DENND1A: variants seen among roughly 807,000 people sequenced by gnomAD.
DENND1A encodes the protein DENN domain-containing protein 1A.
In DENND1A, 51 loss-of-function variants were observed where a neutral mutation model predicts 113.7. That is an observed-to-expected ratio of 0.45 (90% confidence interval 0.36 to 0.57). The LOEUF (loss-of-function observed/expected upper bound fraction) is 0.57, where lower values mean the gene tolerates loss of function less well. Ranked by LOEUF, DENND1A falls within the 20% of genes least tolerant of loss-of-function variation. The probability of loss-of-function intolerance (pLI) is 0.00; values close to 1 mark genes in which losing one functional copy is unlikely to be tolerated. For synonymous variants in DENND1A, 565 were observed against 570.8 expected, an observed-to-expected ratio of 0.99 and a Z score of 0.14; for missense variants, 1,258 against 1,395.9, an observed-to-expected ratio of 0.90 and a Z score of 1.57.
intron 10 of DENND1A, among the ~76,000 whole-genome samples, chr9:123,628,701 G>A (rs1056646256): frequency 2.6e-5 from 4 of 152,144 alleles, no homozygotes; most frequent in Admixed American, 2.6e-4. Context: ...GCAGTACCTG[G>A]ACGTCACCAT....
intron 5 of DENND1A, among the ~76,000 whole-genome samples, chr9:123,711,522 T>TATATATATATATATATATATAC (rs1564998453): frequency 1.3e-4 from 19 of 142,868 alleles, no homozygotes; most frequent in African/African-American, 5.1e-4. Flanking sequence ...TGTATATATA[T>TATATATATATATATATATATAC]ATATATATAT....
chr9:123,705,465 T>C (rs77533880), intron 5 of DENND1A, among the ~76,000 whole-genome samples: 3,958 of 152,268 alleles, frequency 0.026, 60 homozygotes, highest in Middle Eastern at 0.034. Context: ...AATAAACTAC[T>C]AGAATTAGGT....
Position 123,692,787 on chromosome 9 carries a change from C to T in DENND1A, c.303-15998G>A, listed in dbSNP as rs138010861. On this transcript the variant is annotated intron_variant, in intron 5 of 23. Coordinates refer to ENST00000394215, the MANE Select transcript of DENND1A (RefSeq NM_001352964.2). ...TTATTATGACTCTAAAATAGGGCAG[C>T]TTCAGTTAATTTAAAGACCAGTTCT... 1.7e-3 allele frequency among the ~76,000 whole-genome samples: 258 copies of T among 152,288 alleles called. 5 individuals carry two copies. The East Asian group carries it at 0.022, about 13-fold the overall frequency.
chr9:123,698,656 T>G (rs2065678205), intron 5 of DENND1A, among the ~76,000 whole-genome samples: 1 of 152,248 alleles, frequency 6.6e-6, no homozygotes, highest in East Asian at 1.9e-4. Context: ...AATAGTCAGC[T>G]CTACGGATCC....
intron 13 of DENND1A, among the ~76,000 whole-genome samples, chr9:123,545,514 T>G (rs2056606353): frequency 6.6e-6 from 1 of 151,968 alleles, no homozygotes; most frequent in Non-Finnish European, 1.5e-5. Flanking sequence ...TCGCCCAGGC[T>G]GGAGTGCAGT....
intron 5 of DENND1A, among the ~76,000 whole-genome samples, chr9:123,725,968 T>A (rs1382234407): frequency 1.3e-5 from 2 of 152,142 alleles, no homozygotes; most frequent in African/African-American, 4.8e-5. Flanking sequence ...CTGCACAACC[T>A]AATATAATTT....
At chr9:123,480,896 C>A (rs2050281633) in intron 13 of DENND1A, among the ~76,000 whole-genome samples, 1 of 152,206 alleles carries the variant, frequency 6.6e-6, no homozygotes, top group Non-Finnish European at 1.5e-5. Flanking sequence ...AAGATAGTTT[C>A]AAACAGACAT....
intron 11 of DENND1A, among the ~76,000 whole-genome samples, chr9:123,591,851 GATAACA>G (rs2059473021): frequency 6.6e-6 from 1 of 152,212 alleles, no homozygotes; most frequent in African/African-American, 2.4e-5. Flanking sequence ...CGATGGCAAT[GATAACA>G]ATCATGTAAA....
intron 5 of DENND1A, among the ~76,000 whole-genome samples, chr9:123,726,018 G>A (rs993482845): frequency 6.6e-6 from 1 of 152,136 alleles, no homozygotes; most frequent in East Asian, 1.9e-4. Context: ...AAATCTTACT[G>A]GGCATTAGTG....
intron 13 of DENND1A, among the ~76,000 whole-genome samples, chr9:123,504,026 G>A (rs529606760): frequency 1.9e-4 from 29 of 152,278 alleles, no homozygotes; most frequent in African/African-American, 6.7e-4. Context: ...TCCTTTGAAA[G>A]GAACTTCTAT....
At chr9:123,841,172 C>T (rs1841775630) in intron 2 of DENND1A, among the ~76,000 whole-genome samples, 1 of 152,132 alleles carries the variant, frequency 6.6e-6, no homozygotes, top group South Asian at 2.1e-4. Context: ...TCCAGAGAGA[C>T]CCTACCGTAC....
chr9:123,911,921 C>T (rs570863635), intron 1 of DENND1A, among the ~76,000 whole-genome samples: 4 of 152,148 alleles, frequency 2.6e-5, no homozygotes, highest in African/African-American at 9.6e-5. Context: ...GTCTCAATCT[C>T]CTGACCTCAT....
intron 2 of DENND1A, among the ~76,000 whole-genome samples, chr9:123,849,474 TAATA>T (rs1401905922): frequency 2.0e-5 from 3 of 152,182 alleles, no homozygotes; most frequent in Non-Finnish European, 2.9e-5. Flanking sequence ...TGCACCAACA[TAATA>T]AATAGTCTAA....
intron 1 of DENND1A, among the ~76,000 whole-genome samples, chr9:123,900,747 T>C (rs1357051166): frequency 6.6e-6 from 1 of 152,212 alleles, no homozygotes. Context: ...TAAAAATACT[T>C]ACTTCATAGG....
intron 9 of DENND1A, among the ~76,000 whole-genome samples, chr9:123,632,783 C>T (rs2061534140): frequency 6.6e-6 from 1 of 152,152 alleles, no homozygotes; most frequent in Admixed American, 6.5e-5. Flanking sequence ...TCCCTTTCCA[C>T]CCGTCCCCCA....
intron 11 of DENND1A, among the ~76,000 whole-genome samples, chr9:123,589,189 C>T (rs533702951): frequency 8.5e-5 from 13 of 152,246 alleles, no homozygotes; most frequent in African/African-American, 2.2e-4. Flanking sequence ...TACATGGAAA[C>T]AAACTCAACC....
intron 5 of DENND1A, among the ~76,000 whole-genome samples, chr9:123,682,371 A>G (rs905729352): frequency 1.3e-5 from 2 of 152,182 alleles, no homozygotes; most frequent in African/African-American, 4.8e-5. Flanking sequence ...TAAAAGTAAC[A>G]TGACACAGGG....
chr9:123,556,496 T>C (rs1246391995), intron 13 of DENND1A, among the ~76,000 whole-genome samples: 2 of 152,234 alleles, frequency 1.3e-5, no homozygotes, highest in African/African-American at 4.8e-5. Context: ...AGAATTTCTA[T>C]AAAGAATGCA....
intron 5 of DENND1A, among the ~76,000 whole-genome samples, chr9:123,741,506 C>T (rs2069020385): frequency 6.6e-6 from 1 of 152,162 alleles, no homozygotes; most frequent in Non-Finnish European, 1.5e-5. Flanking sequence ...GGATTAAAGA[C>T]AAGAACTAAG....
Sources: allele counts gnomAD v4.1 joint callset (sites outside exome capture counted in the v4.1 genomes callset), GRCh38; gene constraint gnomAD v4.1.1; transcripts MANE v1.5; gene names NCBI Gene and HGNC (gene_info 2026-07-23, HGNC 2026-07-21).